The following TTC28 variants were observed in gnomAD, a reference collection of about 807,000 sequenced individuals.
TTC28 encodes the protein tetratricopeptide repeat domain 28, also known as tetratricopeptide repeat protein 28.
In TTC28, 61 loss-of-function variants were observed where a neutral mutation model predicts 198.0. The observed-to-expected ratio is 0.31, with a 90% CI of 0.25 to 0.38. TTC28 has a LOEUF of 0.38. Among genes scored for constraint, TTC28 ranks in the 10% least tolerant of loss-of-function variants. The pLI is 1.00. For synonymous variants in TTC28, 1,171 were observed against 1,297.8 expected (o/e 0.90, Z 2.10); for missense variants, 2,678 against 3,164.0 (o/e 0.85, Z 3.69).
intron 18 of TTC28, 52 bp downstream of exon 18, chr22:27,993,235 T>C: frequency 7.0e-7 from 1 of 1,434,672 alleles, no homozygotes; most frequent in Non-Finnish European, 9.2e-7. Context: ...CACCAACTGT[T>C]CCACCTGCTG....
At chr22:28,001,321 C>G in intron 15 of TTC28, 53 bp downstream of exon 15, 2 of 1,516,512 alleles carry the variant, frequency 1.3e-6, no homozygotes, top group Non-Finnish European at 1.8e-6. Flanking sequence ...ATAGACGGTG[C>G]CTCGTGACCC....
At chr22:28,277,446 T>C (rs951274413) in intron 5 of TTC28, among the ~76,000 whole-genome samples, 14 of 152,212 alleles carry the variant, frequency 9.2e-5, no homozygotes, top group African/African-American at 2.9e-4. Flanking sequence ...GGGAAGGGCA[T>C]TGTTCTACAA....
At chr22:28,363,043 G>A (rs1681933186) in intron 2 of TTC28, among the ~76,000 whole-genome samples, 1 of 152,182 alleles carries the variant, frequency 6.6e-6, no homozygotes, top group African/African-American at 2.4e-5. Context: ...ATTTGCATAA[G>A]TAACAAGGAT....
intron 12 of TTC28, among the ~76,000 whole-genome samples, chr22:28,081,164 C>T (rs1941343105): frequency 6.6e-6 from 1 of 151,430 alleles, no homozygotes; most frequent in Non-Finnish European, 1.5e-5. Flanking sequence ...CACACACACA[C>T]ACACACACAC....
chr22:28,443,325 C>T (rs1411346038), intron 2 of TTC28, among the ~76,000 whole-genome samples: 1 of 152,220 alleles, frequency 6.6e-6, no homozygotes, highest in Admixed American at 6.5e-5. Context: ...GAATTCTCCT[C>T]TTCTCAAAAA....
At chr22:28,186,145 G>C (rs1035352621) in intron 5 of TTC28, among the ~76,000 whole-genome samples, 2 of 151,994 alleles carry the variant, frequency 1.3e-5, no homozygotes, top group African/African-American at 4.8e-5. Flanking sequence ...TAAGACTAAG[G>C]AAGAAAAAAT....
intron 2 of TTC28, among the ~76,000 whole-genome samples, chr22:28,378,783 G>GAACC (rs1284754056): frequency 6.6e-6 from 1 of 152,096 alleles, no homozygotes; most frequent in African/African-American, 2.4e-5. Context: ...TTTTCATAGA[G>GAACC]AACCAGTGAG....
intron 12 of TTC28, among the ~76,000 whole-genome samples, chr22:28,045,306 G>C (rs934605809): frequency 9.9e-5 from 15 of 152,184 alleles, no homozygotes; most frequent in African/African-American, 3.6e-4. Flanking sequence ...ATGCTCCAAT[G>C]AGCATTTCCT....
At chr22:28,609,378 T>C (rs2050782186) in intron 2 of TTC28, among the ~76,000 whole-genome samples, 1 of 152,208 alleles carries the variant, frequency 6.6e-6, no homozygotes, top group African/African-American at 2.4e-5. Flanking sequence ...CCAACTGAGG[T>C]ACCTGGTTCA....
chr22:28,605,723 T>C (rs2050719291), intron 2 of TTC28, among the ~76,000 whole-genome samples: 1 of 152,232 alleles, frequency 6.6e-6, no homozygotes, highest in Non-Finnish European at 1.5e-5. Context: ...ATATTCATAA[T>C]ATGAAATACT....
intron 1 of TTC28, among the ~76,000 whole-genome samples, chr22:28,675,735 T>TCTCACA (rs1555910099): frequency 6.7e-5 from 9 of 135,118 alleles, no homozygotes; most frequent in African/African-American, 1.4e-4. Context: ...TGAAACCCTG[T>TCTCACA]CACACACACA....
chr22:28,206,150 G>A (rs895734888), intron 5 of TTC28, among the ~76,000 whole-genome samples: 3 of 152,148 alleles, frequency 2.0e-5, no homozygotes, highest in African/African-American at 7.2e-5. Context: ...TGGGTCAGCT[G>A]TGAGATACTC....
chr22:28,593,465 G>GTAGC (rs968543193), intron 2 of TTC28, among the ~76,000 whole-genome samples: 4 of 132,798 alleles, frequency 3.0e-5, no homozygotes, highest in African/African-American at 8.4e-5. Context: ...AGATAGGTAG[G>GTAGC]TAGCTAGGTA....
chr22:28,149,757 C>T (rs1434657614), intron 6 of TTC28, among the ~76,000 whole-genome samples: 1 of 152,062 alleles, frequency 6.6e-6, no homozygotes, highest in East Asian at 1.9e-4. Context: ...GTGGGGGATG[C>T]AGAGAAGGGA....
chr22:28,312,649 T>C (rs1419657857), intron 2 of TTC28, among the ~76,000 whole-genome samples: 1 of 152,180 alleles, frequency 6.6e-6, no homozygotes, highest in African/African-American at 2.4e-5. Flanking sequence ...AATAAAGATG[T>C]TCTTTGAAAC....
At chr22:28,346,251 T>C (rs935104219) in intron 2 of TTC28, among the ~76,000 whole-genome samples, 2 of 152,214 alleles carry the variant, frequency 1.3e-5, no homozygotes, top group Non-Finnish European at 2.9e-5. Context: ...TGTTGGTTCA[T>C]AGTTCATCAT....
At chr22:28,299,591 T>C (rs138773595) in intron 3 of TTC28, among the ~76,000 whole-genome samples, 61 of 152,320 alleles carry the variant, frequency 4.0e-4, no homozygotes, top group Admixed American at 7.8e-4. Flanking sequence ...AATACCATAA[T>C]GAAATACTGT....
chr22:28,569,004 A>G (rs1371805168), intron 2 of TTC28, among the ~76,000 whole-genome samples: 1 of 151,774 alleles, frequency 6.6e-6, no homozygotes, highest in African/African-American at 2.4e-5. Flanking sequence ...AAAATTAGAC[A>G]GGCATGGTGG....
chr22:28,159,137 T>C (rs970576251), intron 6 of TTC28, among the ~76,000 whole-genome samples: 8 of 152,012 alleles, frequency 5.3e-5, no homozygotes, highest in African/African-American at 1.9e-4. Flanking sequence ...AGAAGACACA[T>C]AAATGGCAAA....
Sources: allele counts gnomAD v4.1 joint callset (sites outside exome capture counted in the v4.1 genomes callset), GRCh38; gene constraint gnomAD v4.1.1; transcripts MANE v1.5; gene names NCBI Gene and HGNC (gene_info 2026-07-23, HGNC 2026-07-21).